Variants in BRINP3 observed in about 807,000 individuals in gnomAD.
The protein encoded by BRINP3 is BMP/retinoic acid-inducible neural-specific protein 3.
A neutral mutation model predicts 71.0 loss-of-function variants in BRINP3; 19 were observed. The observed-to-expected ratio is 0.27, with a 90% CI of 0.19 to 0.39. The LOEUF is 0.39. Among genes scored for constraint, BRINP3 ranks in the 10% least tolerant of loss-of-function variants. The probability of loss-of-function intolerance (pLI) is 1.00; values close to 1 mark genes in which losing one functional copy is unlikely to be tolerated. For missense variants in BRINP3, 959 were observed against 940.8 expected, an observed-to-expected ratio of 1.02 and a Z score of -0.25; for synonymous variants, 380 against 337.7, an observed-to-expected ratio of 1.13 and a Z score of -1.37.
intron 2 of BRINP3, among the ~76,000 whole-genome samples, chr1:190,304,527 G>A (rs1356593273): frequency 6.6e-6 from 1 of 151,726 alleles, no homozygotes; most frequent in African/African-American, 2.4e-5. Flanking sequence ...ACACTGAAAG[G>A]ACAGTTTCTT....
intron 3 of BRINP3, among the ~76,000 whole-genome samples, chr1:190,268,166 A>G (rs1376980840): frequency 6.6e-6 from 1 of 152,202 alleles, no homozygotes; most frequent in African/African-American, 2.4e-5. Context: ...ACATCCAGAA[A>G]CAAAAACGCT....
intron 2 of BRINP3, among the ~76,000 whole-genome samples, chr1:190,301,733 GT>G (rs1348943770): frequency 6.6e-6 from 1 of 151,888 alleles, no homozygotes; most frequent in Non-Finnish European, 1.5e-5. Flanking sequence ...TAAAGGTAGA[GT>G]TTTCTAAGAC....
intron 6 of BRINP3, among the ~76,000 whole-genome samples, chr1:190,168,871 C>T (rs1651781463): frequency 6.6e-6 from 1 of 152,158 alleles, no homozygotes; most frequent in Admixed American, 6.5e-5. Flanking sequence ...GGGGATAATG[C>T]TTCCTCTCTG....
chr1:190,114,890 A>G (rs11809172), intron 7 of BRINP3, among the ~76,000 whole-genome samples: 97,040 of 152,020 alleles, frequency 0.64, 32,810 homozygotes, highest in African/African-American at 0.88. Context: ...ATATCTGTAC[A>G]ATTTATTCCT....
chr1:190,201,497 A>G (rs577505425), intron 6 of BRINP3, among the ~76,000 whole-genome samples: 8 of 152,338 alleles, frequency 5.3e-5, no homozygotes, highest in Admixed American at 6.5e-5. Flanking sequence ...CATAATTTGC[A>G]TAAGTAACAT....
chr1:190,308,330 A>C (rs1665263167), intron 2 of BRINP3, among the ~76,000 whole-genome samples: 1 of 151,890 alleles, frequency 6.6e-6, no homozygotes, highest in Non-Finnish European at 1.5e-5. Context: ...GCAAAACTGA[A>C]AGTGTAAAAG....
chr1:190,292,590 C>A (rs917052373), intron 2 of BRINP3, among the ~76,000 whole-genome samples: 10 of 152,072 alleles, frequency 6.6e-5, no homozygotes, highest in Non-Finnish European at 1.3e-4. Flanking sequence ...GAAGTCTAGT[C>A]TACCTTGATC....
chr1:190,312,069 ATATATATG>A (rs963513488), intron 2 of BRINP3, among the ~76,000 whole-genome samples: 10 of 141,152 alleles, frequency 7.1e-5, no homozygotes, highest in African/African-American at 2.3e-4. Flanking sequence ...ATATATATAT[ATATATATG>A]TATTTCTAAG....
intron 3 of BRINP3, among the ~76,000 whole-genome samples, chr1:190,272,833 C>T (rs1429993090): frequency 2.6e-5 from 4 of 151,450 alleles, no homozygotes; most frequent in African/African-American, 9.7e-5. Flanking sequence ...GCATGTAAGG[C>T]AACTTAAATC....
rs759881549 is a variant in BRINP3, at chr1:190,454,733, G to A, written c.158C>T (p.Pro53Leu). 1.2e-6 allele frequency: 2 copies of A among 1,614,100 alleles called. No individual in the cohort carries two copies. Among genetic ancestry groups the A allele is most frequent in the Non-Finnish European group, 1.7e-6 (2 of 1,180,026 alleles). ...PFDWLLSDKG[P>L]FHRSQEYTDF... ...TGTGTATTCCTGTGAGCGATGGAAG[G>A]GTCCCTTATCAGAGAGGAGCCAGTC... The change falls in exon 2 of 8, where the codon CCC (proline) becomes CTC (leucine). Residue 53 changes from proline (P) to leucine (L), a missense_variant. Pro to Leu is a moderately conservative substitution (Grantham distance 98). Coordinates refer to ENST00000367462, the MANE Select transcript of BRINP3 (RefSeq NM_199051.3).
At chr1:190,154,619 A>G (rs1285283230) in intron 7 of BRINP3, among the ~76,000 whole-genome samples, 2 of 152,166 alleles carry the variant, frequency 1.3e-5, no homozygotes, top group South Asian at 2.1e-4. Flanking sequence ...ACATACTTGT[A>G]AAACAGAAAG....
intron 2 of BRINP3, among the ~76,000 whole-genome samples, chr1:190,332,621 C>G (rs1265647132): frequency 6.6e-6 from 1 of 151,976 alleles, no homozygotes; most frequent in Non-Finnish European, 1.5e-5. Context: ...CTTCTCTCTG[C>G]TTTCTTTTAT....
At chr1:190,289,464 T>C (rs748859124) in intron 2 of BRINP3, among the ~76,000 whole-genome samples, 8 of 151,972 alleles carry the variant, frequency 5.3e-5, no homozygotes, top group Admixed American at 2.0e-4. Flanking sequence ...TATGGTACTT[T>C]GTGACAAAAT....
intron 6 of BRINP3, among the ~76,000 whole-genome samples, chr1:190,164,803 G>A (rs1651345223): frequency 6.6e-6 from 1 of 151,816 alleles, no homozygotes; most frequent in South Asian, 2.1e-4. Flanking sequence ...TATTGTACAG[G>A]CTCAAGCAAT....
intron 7 of BRINP3, among the ~76,000 whole-genome samples, chr1:190,144,074 T>C (rs1230156106): frequency 6.6e-6 from 1 of 152,128 alleles, no homozygotes; most frequent in Non-Finnish European, 1.5e-5. Flanking sequence ...CAAGATTCTT[T>C]AAGAGAGGCT....
At chr1:190,220,404 T>C (rs1002032926) in intron 6 of BRINP3, among the ~76,000 whole-genome samples, 1 of 151,928 alleles carries the variant, frequency 6.6e-6, no homozygotes, top group African/African-American at 2.4e-5. Flanking sequence ...GGTTGGGGGC[T>C]AGGGGAGGGT....
intron 2 of BRINP3, among the ~76,000 whole-genome samples, chr1:190,286,305 T>C (rs900770705): frequency 1.3e-5 from 2 of 152,164 alleles, no homozygotes; most frequent in African/African-American, 2.4e-5. Flanking sequence ...AAAATAAGAA[T>C]GACATCATCA....
chr1:190,310,691 A>C, intron 2 of BRINP3, among the ~76,000 whole-genome samples: 1 of 151,498 alleles, frequency 6.6e-6, no homozygotes, highest in East Asian at 1.9e-4. Flanking sequence ...CCCTTTCTCC[A>C]GTTTCTCTAA....
At chr1:190,299,512 C>T (rs1446243680) in intron 2 of BRINP3, among the ~76,000 whole-genome samples, 1 of 151,358 alleles carries the variant, frequency 6.6e-6, no homozygotes, top group African/African-American at 2.4e-5. Context: ...ATCCATGTGC[C>T]ATGCTGGTGC....
Sources: gnomAD v4.1 joint callset for allele counts (sites outside exome capture counted in the v4.1 genomes callset) on GRCh38, gnomAD v4.1.1 for gene constraint, MANE v1.5 for transcripts, NCBI Gene and HGNC (gene_info 2026-07-23, HGNC 2026-07-21) for gene names.